ATPAF1: variants seen among roughly 807,000 people sequenced by gnomAD.
ATPAF1 encodes ATP synthase mitochondrial F1 complex assembly factor 1, also known as homolog of yeast ATP11.
ATPAF1 carries 26 observed loss-of-function variants against 43.9 expected under a neutral mutation model. The ratio of observed to expected loss-of-function variants is 0.59; its 90% CI spans 0.43 to 0.82. The LOEUF (loss-of-function observed/expected upper bound fraction) is 0.82. ATPAF1 is among the 40% of genes least tolerant of loss of function. ATPAF1 has a pLI of 0.00. For synonymous variants in ATPAF1, 157 were observed against 168.0 expected (o/e 0.93, Z 0.50); for missense variants, 366 against 435.0 (o/e 0.84, Z 1.41).
intron 8 of ATPAF1, among the ~76,000 whole-genome samples, chr1:46,639,520 C>T (rs957376689): frequency 1.3e-5 from 2 of 152,124 alleles, no homozygotes; most frequent in African/African-American, 4.8e-5. Context: ...AGATGTGGAG[C>T]CAAATAAAGC....
At chr1:46,647,693 A>G (rs1676069906) in intron 6 of ATPAF1, among the ~76,000 whole-genome samples, 1 of 152,258 alleles carries the variant, frequency 6.6e-6, no homozygotes, top group Admixed American at 6.5e-5. Flanking sequence ...ATGGCTAGTT[A>G]GTATGGCAGG....
At chr1:46,666,571 T>G (rs732539) in intron 1 of ATPAF1, among the ~76,000 whole-genome samples, 1 of 152,092 alleles carries the variant, frequency 6.6e-6, no homozygotes, top group East Asian at 1.9e-4. Context: ...ACAACAGGTA[T>G]TATGATGAAA....
At chr1:46,643,791 C>T (rs992323216) in intron 7 of ATPAF1, among the ~76,000 whole-genome samples, 1 of 152,086 alleles carries the variant, frequency 6.6e-6, no homozygotes, top group Non-Finnish European at 1.5e-5. Flanking sequence ...AAAATATAAT[C>T]TGGGTTGGTG....
intron 2 of ATPAF1, among the ~76,000 whole-genome samples, chr1:46,658,947 T>C (rs1461315847): frequency 2.0e-5 from 3 of 152,184 alleles, no homozygotes; most frequent in Admixed American, 2.0e-4. Flanking sequence ...ATCCCAGCAC[T>C]TTGGGAAGCC....
Position 46,668,123 on chromosome 1 carries a change from GC to G in ATPAF1, c.199del (p.Ala67ProfsTer68), listed in dbSNP as rs1557431444. Reference sequence around the variant, plus strand: ...AGGGTTGGCCTGGAGCTCGGCCTCGGCCCCGACCCCGCTGCTGTCGGCGCCC... The same window carrying G: ...AGGGTTGGCCTGGAGCTCGGCCTCGGCCCGACCCCGCTGCTGTCGGCGCCC... On this transcript the variant is annotated frameshift_variant, in exon 1 of 9. Transcript: ENST00000574428. LOFTEE classifies it high-confidence loss of function. The surrounding 1 kb of genome is among the most constrained non-coding windows in gnomAD (Gnocchi z 4.4). 3 of 1,430,780 alleles carry G rather than the reference GC, an allele frequency of 2.1e-6. No homozygotes were observed. Among genetic ancestry groups the G allele is most frequent in the Non-Finnish European group, 1.8e-6 (2 of 1,091,446 alleles). The allele number at this position is 1,430,780 out of a possible 1,614,324, so 88.6% of individuals were successfully genotyped here. A position where few individuals can be genotyped will look rare whatever the true frequency, so the allele number is the denominator to read the frequency against.
At chr1:46,635,700 T>G in exon 9 of ATPAF1, 16 of 1,411,446 alleles carry the variant, frequency 1.1e-5, no homozygotes, top group African/African-American at 1.4e-5. Context: ...GCTGAGCTCT[T>G]GAGTTCCTGA....
chr1:46,640,899 C>T (rs1297846258), intron 8 of ATPAF1, among the ~76,000 whole-genome samples: 6 of 151,950 alleles, frequency 3.9e-5, no homozygotes, highest in Admixed American at 3.9e-4. Flanking sequence ...AAACTTATAC[C>T]ACTACCTCTA....
chr1:46,652,303 G>T, intron 6 of ATPAF1: 1 of 302,766 alleles, frequency 3.3e-6, no homozygotes. Flanking sequence ...AGAAAGGGCT[G>T]ATGTGGTAGG....
At chr1:46,636,419 G>C (rs979419840) in intron 8 of ATPAF1, among the ~76,000 whole-genome samples, 2 of 152,192 alleles carry the variant, frequency 1.3e-5, no homozygotes, top group African/African-American at 4.8e-5. Flanking sequence ...GTTTGTGAGT[G>C]AGAACTAAGT....
chr1:46,656,025 T>A (rs1044505176), intron 4 of ATPAF1, among the ~76,000 whole-genome samples: 6 of 152,162 alleles, frequency 3.9e-5, no homozygotes, highest in African/African-American at 1.2e-4. Flanking sequence ...TACTCAGAAA[T>A]GCTGGTTGAA....
chr1:46,667,961 A>T, intron 1 of ATPAF1, 96 bp downstream of exon 1: 1 of 986,234 alleles, frequency 1.0e-6, no homozygotes. Context: ...CTGGGACAGT[A>T]CTAGTGCCCA....
chr1:46,634,181 A>G (rs990961888), downstream of ATPAF1: 8 of 238,766 alleles, frequency 3.4e-5, no homozygotes, highest in Non-Finnish European at 5.7e-5. Flanking sequence ...GACAGGCCCA[A>G]CCTATAAAAA....
intron 2 of ATPAF1, among the ~76,000 whole-genome samples, chr1:46,659,229 A>T (rs1451262230): frequency 4.6e-5 from 7 of 152,094 alleles, no homozygotes; most frequent in Non-Finnish European, 8.8e-5. Context: ...ATAAAAATAA[A>T]AATTATTGTT....
intron 2 of ATPAF1, among the ~76,000 whole-genome samples, chr1:46,661,648 C>A (rs1168105824): frequency 6.6e-6 from 1 of 151,920 alleles, no homozygotes; most frequent in Non-Finnish European, 1.5e-5. Context: ...TGTTTTATTT[C>A]AGGGTAGAAA....
At chr1:46,647,610 C>T (rs58241612) in intron 6 of ATPAF1, among the ~76,000 whole-genome samples, 1,960 of 152,240 alleles carry the variant, frequency 0.013, 47 homozygotes, top group African/African-American at 0.045. Context: ...AATAAAGCTG[C>T]TTGAATATTT....
At chr1:46,643,824 A>T (rs1675990548) in intron 7 of ATPAF1, among the ~76,000 whole-genome samples, 1 of 152,168 alleles carries the variant, frequency 6.6e-6, no homozygotes, top group Non-Finnish European at 1.5e-5. Context: ...GAGAAGAAGG[A>T]TGGAAACACC....
intron 8 of ATPAF1, among the ~76,000 whole-genome samples, chr1:46,640,349 C>T (rs763473162): frequency 6.6e-6 from 1 of 152,200 alleles, no homozygotes; most frequent in African/African-American, 2.4e-5. Flanking sequence ...GTGGCTCATG[C>T]CTGTAATCCC....
chr1:46,642,032 G>C (rs1404348810), intron 8 of ATPAF1, among the ~76,000 whole-genome samples: 1 of 152,018 alleles, frequency 6.6e-6, no homozygotes, highest in Non-Finnish European at 1.5e-5. Flanking sequence ...TTAATACATC[G>C]AAAAGTGAGC....
At chr1:46,662,186 G>A (rs1010600078) in intron 2 of ATPAF1, among the ~76,000 whole-genome samples, 9 of 152,092 alleles carry the variant, frequency 5.9e-5, no homozygotes, top group African/African-American at 1.4e-4. Flanking sequence ...GAGCCACCAC[G>A]CCCGGCCTCA....
Sources: allele counts gnomAD v4.1 joint callset (sites outside exome capture counted in the v4.1 genomes callset), GRCh38; gene constraint gnomAD v4.1.1; non-coding constraint Gnocchi (gnomAD v3.1); transcripts MANE v1.5; gene names NCBI Gene and HGNC (gene_info 2026-07-23, HGNC 2026-07-21).